Variants in ETV7 observed in about 807,000 individuals in gnomAD.
The protein encoded by ETV7 is ETS variant transcription factor 7.
In ETV7, 43 loss-of-function variants were observed where a neutral mutation model predicts 39.1. The observed-to-expected ratio is 1.10, with a 90% CI of 0.86 to 1.42. ETV7 has a LOEUF of 1.42. Among genes scored for constraint, ETV7 ranks in the 40% most tolerant of loss-of-function variants. ETV7 has a pLI of 0.00. For synonymous variants in ETV7, 196 were observed against 176.6 expected, an observed-to-expected ratio of 1.11 and a Z score of -0.87; for missense variants, 432 against 442.3, an observed-to-expected ratio of 0.98 and a Z score of 0.21.
chr6:36,371,253 C>G (rs1773000911), intron 5 of ETV7, 77 bp downstream of exon 5: 1 of 1,377,988 alleles, frequency 7.3e-7, no homozygotes, highest in African/African-American at 1.4e-5. Context: ...TCAAAATAGC[C>G]CTGTCCTCAT....
intron 2 of ETV7, among the ~76,000 whole-genome samples, chr6:36,380,650 A>C (rs1173294575): frequency 6.6e-6 from 1 of 152,214 alleles, no homozygotes; most frequent in Non-Finnish European, 1.5e-5. Flanking sequence ...ATCTGTGGAC[A>C]TAGCGCTTCT....
chr6:36,363,192 C>T (rs1161344904), downstream of ETV7, among the ~76,000 whole-genome samples: 1 of 152,218 alleles, frequency 6.6e-6, no homozygotes, highest in African/African-American at 2.4e-5. Context: ...AGCCGCGGAC[C>T]CTCGCGGTGA....
chr6:36,377,032 G>C (rs1773409746), intron 2 of ETV7, among the ~76,000 whole-genome samples: 1 of 152,204 alleles, frequency 6.6e-6, no homozygotes, highest in Non-Finnish European at 1.5e-5. Context: ...AGCCAGACAA[G>C]TGGCTGCTTA....
intron 3 of ETV7, among the ~76,000 whole-genome samples, chr6:36,375,229 T>C (rs1582200972): frequency 6.6e-6 from 1 of 152,048 alleles, no homozygotes; most frequent in East Asian, 1.9e-4. Flanking sequence ...AGCGAATTCT[T>C]AAGAAAAAGA....
intron 2 of ETV7, among the ~76,000 whole-genome samples, chr6:36,380,882 G>A (rs866183754): frequency 5.3e-4 from 65 of 123,436 alleles, no homozygotes; most frequent in African/African-American, 1.8e-3. Flanking sequence ...CTCCCACCCC[G>A]ACCCCGACTG....
rs1772743712 is a variant in ETV7, at chr6:36,366,756, T to C, written c.915A>G (p.Leu305=). 3 of 1,614,040 alleles carry C rather than the reference T, an allele frequency of 1.9e-6. No individual in the cohort carries two copies. Among genetic ancestry groups the C allele is most frequent in the South Asian group, 1.1e-5 (1 of 91,082 alleles). The part of the protein sequence containing the change: ...EPGQKLLFRF[L]KTPGKMVQDK... Reference sequence around the variant, plus strand: ...CCTGGACCATCTTTCCCGGAGTCTTTAGAAATCTAGAATTCAGGCCCCAAC... The same window carrying C: ...CCTGGACCATCTTTCCCGGAGTCTTCAGAAATCTAGAATTCAGGCCCCAAC... Residue 305 remains leucine, a synonymous_variant, in exon 8 of 8, where the codon CTA becomes CTG. Coordinates refer to ENST00000340181, the MANE Select transcript of ETV7 (RefSeq NM_016135.4).
In ETV7 at chr6:36,368,779, C is replaced by A. The variant is rs1223511598; in HGVS notation, c.807+150G>T. 6 of 1,025,196 alleles carry A rather than the reference C, an allele frequency of 5.9e-6. No homozygotes were observed. In the Admixed American group the frequency reaches 1.3e-4, roughly 23 times the overall value. The allele number at this position is 1,025,196 out of a possible 1,614,324, so 63.5% of individuals were successfully genotyped here. ...GAGGTAACTGCCTGTCCCTCAATAG[C>A]TCCCCAAATAAAATTATCCTGTCAC... On this transcript the variant is annotated intron_variant, in intron 6 of 7. Transcript: ENST00000340181.
rs370083197 is a variant in ETV7, at chr6:36,366,954, C to T, written c.829G>A (p.Glu277Lys). Residue 277 changes from glutamate (E) to lysine (K), a missense_variant, in exon 7 of 8, where the codon GAG becomes AAG. Coordinates refer to ENST00000340181, the MANE Select transcript of ETV7 (RefSeq NM_016135.4). ...NHKNRVNMTYEKMSRALRHYY... is the reference protein window; with the variant it reads ...NHKNRVNMTYKKMSRALRHYY... ...TGGCGCAGGGCACGAGACATCTTCT[C>T]GTAGGTCATGTTCACCCGGTTCTGG... 1.7e-5 allele frequency: 28 copies of T among 1,613,904 alleles called. No homozygotes were observed. The highest frequency in any genetic ancestry group is 6.7e-5 in the East Asian group (3 of 44,884).
chr6:36,379,250 T>G (rs542456732), intron 2 of ETV7, among the ~76,000 whole-genome samples: 2 of 152,238 alleles, frequency 1.3e-5, no homozygotes, highest in Non-Finnish European at 2.9e-5. Context: ...AATTCAAAAC[T>G]GTGATTCCTG....
At chr6:36,379,630 C>T (rs973183826) in intron 2 of ETV7, among the ~76,000 whole-genome samples, 3 of 151,232 alleles carry the variant, frequency 2.0e-5, no homozygotes, top group African/African-American at 7.3e-5. Context: ...GTAATCCCAG[C>T]ACTTTGGGAG....
intron 1 of ETV7, among the ~76,000 whole-genome samples, chr6:36,387,171 C>T (rs1773949049): frequency 6.6e-6 from 1 of 152,098 alleles, no homozygotes; most frequent in African/African-American, 2.4e-5. Flanking sequence ...AGAGGGGCTC[C>T]CTGCGAGAAT....
downstream of ETV7, among the ~76,000 whole-genome samples, chr6:36,363,572 G>C (rs570922171): frequency 2.2e-4 from 33 of 152,380 alleles, no homozygotes; most frequent in African/African-American, 7.2e-4. Context: ...TGGACCCAAA[G>C]AGCAAAAGAA....
At chr6:36,364,813 G>A (rs1398992908), downstream of ETV7, among the ~76,000 whole-genome samples, 1 of 152,254 alleles carries the variant, frequency 6.6e-6, no homozygotes, top group Non-Finnish European at 1.5e-5. Flanking sequence ...AGGCCATGGG[G>A]CATGGGCTCA....
At chr6:36,375,565 G>A (rs568936125) in intron 3 of ETV7, among the ~76,000 whole-genome samples, 234 of 152,304 alleles carry the variant, frequency 1.5e-3, no homozygotes, top group Middle Eastern at 6.8e-3. Context: ...GCGGGTGGGA[G>A]GCAACAGGAT....
intron 5 of ETV7, 34 bp from the exon 6 acceptor site, chr6:36,369,105 G>A: frequency 6.2e-7 from 1 of 1,612,562 alleles, no homozygotes; most frequent in Non-Finnish European, 8.5e-7. Flanking sequence ...AGGCAGCGCA[G>A]CTTTACTGGA....
At chr6:36,362,927 C>G (rs1307591609), downstream of ETV7, among the ~76,000 whole-genome samples, 1 of 152,250 alleles carries the variant, frequency 6.6e-6, no homozygotes, top group Non-Finnish European at 1.5e-5. Flanking sequence ...AATCCATCCT[C>G]CTGCTTCATC....
chr6:36,372,653 A>T (rs1478081735), intron 4 of ETV7, among the ~76,000 whole-genome samples: 1 of 143,576 alleles, frequency 7.0e-6, no homozygotes, highest in East Asian at 2.1e-4. Flanking sequence ...GAAATCTAAG[A>T]TGACATCTGA....
intron 6 of ETV7, among the ~76,000 whole-genome samples, chr6:36,367,570 C>T (rs1772794690): frequency 6.6e-6 from 1 of 152,168 alleles, no homozygotes; most frequent in Non-Finnish European, 1.5e-5. Context: ...TACTTTTAAA[C>T]AGCAAATGTC....
intron 2 of ETV7, among the ~76,000 whole-genome samples, chr6:36,381,632 C>T (rs1002214311): frequency 6.6e-6 from 1 of 152,132 alleles, no homozygotes; most frequent in African/African-American, 2.4e-5. Context: ...TTCAGAGACT[C>T]CTTAAATCTG....
Sources: allele counts gnomAD v4.1 joint callset (sites outside exome capture counted in the v4.1 genomes callset), GRCh38; gene constraint gnomAD v4.1.1; transcripts MANE v1.5; gene names NCBI Gene and HGNC (gene_info 2026-07-23, HGNC 2026-07-21).